SUDS3: variants seen among roughly 807,000 people sequenced by gnomAD.
SUDS3 encodes SIN3A corepressor complex component SDS3, also known as sin3 histone deacetylase corepressor complex component SDS3.
SUDS3 carries 23 observed loss-of-function variants against 53.5 expected under a neutral mutation model. The observed-to-expected ratio is 0.43, with a 90% confidence interval of 0.31 to 0.61. The LOEUF is 0.61. Among genes scored for constraint, SUDS3 ranks in the 20% least tolerant of loss-of-function variants. The pLI, the probability that SUDS3 is intolerant of heterozygous loss-of-function variation, is 0.10. For missense variants in SUDS3, 291 were observed against 405.9 expected (o/e 0.72, Z 2.43); for synonymous variants, 150 against 148.5 (o/e 1.01, Z -0.08).
chr12:118,400,477 T>TA (rs2046254129), intron 6 of SUDS3, among the ~76,000 whole-genome samples, 182 bp from the exon 7 acceptor site: 1 of 152,184 alleles, frequency 6.6e-6, no homozygotes, highest in African/African-American at 2.4e-5. Flanking sequence ...GTCTGAATCT[T>TA]ACAAGTATAA....
intron 10 of SUDS3, among the ~76,000 whole-genome samples, chr12:118,406,707 TAAAA>T (rs146517978): frequency 1.0e-4 from 15 of 148,244 alleles, no homozygotes; most frequent in Admixed American, 3.4e-4. Flanking sequence ...TTAATTGGCC[TAAAA>T]AAAAAACGCA....
chr12:118,411,255 G>A (rs1400571557), intron 11 of SUDS3, 98 bp downstream of exon 11: 1 of 1,017,234 alleles, frequency 9.8e-7, no homozygotes, highest in African/African-American at 1.6e-5. Context: ...AGGAAGTACA[G>A]TGGAGTACTG....
At position 118,376,604 on chromosome 12, in the gene SUDS3, G is replaced by A; in HGVS notation, c.-88G>A. On this transcript the variant is annotated 5_prime_UTR_variant, in exon 1 of 12. Transcript: ENST00000543473. ...GCTGCCGGTCCTCGAGTTGGGGGCT[G>A]CCGCGGACACTGCTAGGCAGACGGC... 7.9e-7 allele frequency: 1 copy of A among 1,269,522 alleles called. No individual in the cohort carries two copies. Among genetic ancestry groups the A allele is most frequent in the East Asian group, 3.2e-5 (1 of 31,588 alleles). 78.6% of individuals were successfully genotyped at this position (1,269,522 alleles called of 1,614,324 possible).
intron 2 of SUDS3, among the ~76,000 whole-genome samples, chr12:118,383,221 A>G (rs992878288): frequency 2.0e-5 from 3 of 152,216 alleles, no homozygotes; most frequent in African/African-American, 7.2e-5. Context: ...TGTGCTTGTT[A>G]TATGTTGGAC....
chr12:118,378,152 A>G (rs1172644162), intron 1 of SUDS3, among the ~76,000 whole-genome samples: 1 of 152,166 alleles, frequency 6.6e-6, no homozygotes, highest in African/African-American at 2.4e-5. Context: ...AATTTTGTAC[A>G]CACCCCAGCC....
intron 6 of SUDS3, among the ~76,000 whole-genome samples, chr12:118,397,836 A>G (rs1279453404): frequency 6.6e-6 from 1 of 151,852 alleles, no homozygotes; most frequent in Non-Finnish European, 1.5e-5. Flanking sequence ...CTTGGCTTAC[A>G]TCCATCATGC....
Position 118,380,273 on chromosome 12 carries a change from A to G in SUDS3, c.212+42A>G, listed in dbSNP as rs1357615073. Reference sequence around the variant, plus strand: ...TATGTCTTTTTGGAACATAGAATTGACAACATCTTTATATAGATTGAGCAT... The same window carrying G: ...TATGTCTTTTTGGAACATAGAATTGGCAACATCTTTATATAGATTGAGCAT... On this transcript the variant is annotated intron_variant, in intron 2 of 11. Coordinates refer to ENST00000543473, the MANE Select transcript of SUDS3 (RefSeq NM_022491.3). The G allele has an allele frequency of 3.3e-6, 5 of 1,520,892 alleles. No individual in the cohort carries two copies. In the Admixed American group the frequency reaches 9.4e-5, roughly 29 times the overall value. The allele number at this position is 1,520,892 out of a possible 1,614,324, so 94.2% of individuals were successfully genotyped here. A position where few individuals can be genotyped will look rare whatever the true frequency, so the allele number is the denominator to read the frequency against.
chr12:118,396,319 G>A (rs896016917), intron 6 of SUDS3, among the ~76,000 whole-genome samples: 1 of 152,128 alleles, frequency 6.6e-6, no homozygotes, highest in African/African-American at 2.4e-5. Flanking sequence ...GCAGTGGCAC[G>A]ATCTCAGCTC....
At chr12:118,391,363 C>A in intron 6 of SUDS3, 81 bp downstream of exon 6, 4 of 1,485,716 alleles carry the variant, frequency 2.7e-6, no homozygotes, top group Non-Finnish European at 2.7e-6. Context: ...TTTTGTCTTA[C>A]ATTTCAAGAG....
At chr12:118,394,444 G>A (rs143666270) in intron 6 of SUDS3, among the ~76,000 whole-genome samples, 129 of 152,274 alleles carry the variant, frequency 8.5e-4, no homozygotes, top group African/African-American at 3.0e-3. Context: ...TTCAGCCAGT[G>A]TCTGTCTCAC....
intron 4 of SUDS3, 60 bp downstream of exon 4, chr12:118,386,245 C>T (rs929919264): frequency 1.5e-5 from 20 of 1,324,488 alleles, no homozygotes; most frequent in Non-Finnish European, 2.1e-5. Flanking sequence ...TGCCGATCGT[C>T]GGTGTAATGC....
intron 11 of SUDS3, 95 bp downstream of exon 11, chr12:118,411,252 A>G (rs927464528): frequency 2.2e-5 from 23 of 1,047,350 alleles, no homozygotes; most frequent in Middle Eastern, 2.0e-4. Context: ...CCAAGGAAGT[A>G]CAGTGGAGTA....
chr12:118,393,011 A>G (rs1210282067), intron 6 of SUDS3, among the ~76,000 whole-genome samples: 1 of 152,244 alleles, frequency 6.6e-6, no homozygotes, highest in African/African-American at 2.4e-5. Context: ...AATAGATTAC[A>G]GAAGTGTTTA....
chr12:118,409,149 C>CTT (rs559836882), intron 10 of SUDS3, among the ~76,000 whole-genome samples: 12 of 140,084 alleles, frequency 8.6e-5, no homozygotes, highest in South Asian at 2.3e-4. Flanking sequence ...ATTTAAAATT[C>CTT]TTTTTTTTTT....
At position 118,402,613 on chromosome 12, in the gene SUDS3, G is replaced by A. The variant is rs1017590892; in HGVS notation, c.697+609G>A. ...ACTCACACATCCCTCTACTTACTGA[G>A]TCTTGTGGAAGAAAACAAGAGTCTT... On this transcript the variant is annotated intron_variant, in intron 9 of 11. Coordinates refer to ENST00000543473, the MANE Select transcript of SUDS3 (RefSeq NM_022491.3). 5 of 136,528 alleles carry A rather than the reference G, an allele frequency of 3.7e-5. 1 individual carries two copies. The highest frequency in any genetic ancestry group is 8.1e-5 in the Non-Finnish European group (5 of 61,736). 8.5% of individuals were successfully genotyped at this position (136,528 alleles called of 1,614,324 possible). A position where few individuals can be genotyped will look rare whatever the true frequency, so the allele number is the denominator to read the frequency against.
intron 6 of SUDS3, among the ~76,000 whole-genome samples, chr12:118,396,822 A>C (rs1245571386): frequency 6.6e-6 from 1 of 152,192 alleles, no homozygotes; most frequent in African/African-American, 2.4e-5. Context: ...CTGTGCTATA[A>C]TGACTCTACC....
At position 118,414,547 on chromosome 12, in the gene SUDS3, T is replaced by C. The variant is rs2046384161; in HGVS notation, c.*114T>C. ...ACTTACTGGGAATAGCTACTCAGCC[T>C]TGGAAATGGAGAGCACTGCAGTGAA... On this transcript the variant is annotated 3_prime_UTR_variant, in exon 12 of 12. Transcript: ENST00000543473. 1 of 873,360 alleles carries C rather than the reference T, an allele frequency of 1.1e-6. No homozygotes were observed. The highest frequency in any genetic ancestry group is 1.7e-5 in the African/African-American group (1 of 58,436). The allele number at this position is 873,360 out of a possible 1,614,324, so 54.1% of individuals were successfully genotyped here. A position where few individuals can be genotyped will look rare whatever the true frequency, so the allele number is the denominator to read the frequency against.
rs2046291004 is a variant in SUDS3 at position 118,404,278 on chromosome 12, T to G, written c.803+761T>G. The stretch of plus-strand genomic sequence containing the variant: ...GGCACCCGCCACCATGCCCAGCTAG[T>G]TTTTGTATTTTTAGTAGACACGAGG... On this transcript the variant is annotated intron_variant, in intron 10 of 11. Coordinates refer to ENST00000543473, the MANE Select transcript of SUDS3 (RefSeq NM_022491.3). The G allele has an allele frequency of 2.0e-5, 3 of 152,124 alleles. No homozygotes were observed. In the South Asian group the frequency reaches 6.2e-4, roughly 32 times the overall value. 9.4% of individuals were successfully genotyped at this position (152,124 alleles called of 1,614,324 possible). A position where few individuals can be genotyped will look rare whatever the true frequency, so the allele number is the denominator to read the frequency against.
chr12:118,380,440 A>G (rs1355248930), intron 2 of SUDS3, among the ~76,000 whole-genome samples: 1 of 152,182 alleles, frequency 6.6e-6, no homozygotes, highest in Non-Finnish European at 1.5e-5. Flanking sequence ...ATTGCAAATA[A>G]TCTAAAATTT....
Sources: allele counts gnomAD v4.1 joint callset (sites outside exome capture counted in the v4.1 genomes callset), GRCh38; gene constraint gnomAD v4.1.1; transcripts MANE v1.5; gene names NCBI Gene and HGNC (gene_info 2026-07-23, HGNC 2026-07-21).